Variants in CACNA1D observed in about 807,000 individuals in gnomAD.
The protein encoded by CACNA1D is calcium voltage-gated channel subunit alpha1 D.
Under a neutral mutation model 257.1 loss-of-function variants are expected in CACNA1D, and 55 were observed. That is an observed-to-expected ratio of 0.21 (90% CI 0.17 to 0.27). The LOEUF is 0.27. Among genes scored for constraint, CACNA1D ranks in the 10% least tolerant of loss-of-function variants. The pLI, the probability that CACNA1D is intolerant of heterozygous loss-of-function variation, is 1.00. For synonymous variants in CACNA1D, 980 were observed against 1,014.9 expected, an observed-to-expected ratio of 0.97 and a Z score of 0.65; for missense variants, 1,876 against 2,784.0, an observed-to-expected ratio of 0.67 and a Z score of 7.34.
At chr3:53,770,213 G>C (rs991806279) in intron 31 of CACNA1D, among the ~76,000 whole-genome samples, 196 bp downstream of exon 31, 1 of 152,174 alleles carries the variant, frequency 6.6e-6, no homozygotes, top group African/African-American at 2.4e-5. Context: ...AGAATACGTG[G>C]ACATGCATGT....
At chr3:53,682,365 T>TAAAAAAAAAAAACAAA (rs2094437885) in intron 8 of CACNA1D, among the ~76,000 whole-genome samples, 2 of 47,386 alleles carry the variant, frequency 4.2e-5, no homozygotes, top group Non-Finnish European at 7.4e-5. Context: ...TTGTCTCTGG[T>TAAAAAAAAAAAACAAA]AAAAAAAAAA....
chr3:53,521,949 A>T (rs1254124266), intron 3 of CACNA1D, among the ~76,000 whole-genome samples: 1 of 140,330 alleles, frequency 7.1e-6, no homozygotes, highest in Non-Finnish European at 1.5e-5. Flanking sequence ...ACATAGTGAG[A>T]CCCCATCTCT....
At chr3:53,635,697 C>G (rs946815876) in intron 3 of CACNA1D, among the ~76,000 whole-genome samples, 1 of 152,126 alleles carries the variant, frequency 6.6e-6, no homozygotes, top group East Asian at 1.9e-4. Flanking sequence ...TCATAGTCTT[C>G]AGTTTGGTGC....
Position 53,672,810 on chromosome 3 carries a change from GTGTGTGTGTA to G in CACNA1D, c.1117-210_1117-201del, listed in dbSNP as rs1477570514. Among the ~76,000 whole-genome samples, 355 of 131,894 alleles carry G rather than the reference GTGTGTGTGTA, an allele frequency of 2.7e-3. 3 individuals are homozygous for G. Among genetic ancestry groups the G allele is most frequent in the African/African-American group, 9.4e-3 (318 of 34,000 alleles). The allele number at this position is 131,894 out of a possible 152,430, so 86.5% of individuals were successfully genotyped here. On this transcript the variant is annotated intron_variant, in intron 7 of 47. Coordinates refer to ENST00000350061, the MANE Select transcript of CACNA1D (RefSeq NM_001128840.3). ...TGTGTGTGTGTGTGTGTGTGTGTGT[GTGTGTGTGTA>G]TGGATGCTTGTGTGTGTGTATGGGG...
chr3:53,524,447 A>G (rs2091689574), intron 3 of CACNA1D, among the ~76,000 whole-genome samples: 1 of 152,264 alleles, frequency 6.6e-6, no homozygotes, highest in South Asian at 2.1e-4. Flanking sequence ...TACAAGATAC[A>G]TTTAAGCATC....
chr3:53,738,369 G>A (rs2095079666), intron 20 of CACNA1D, among the ~76,000 whole-genome samples: 1 of 152,224 alleles, frequency 6.6e-6, no homozygotes, highest in Non-Finnish European at 1.5e-5. Flanking sequence ...AAAGAGGAAG[G>A]CACTGGGCCT....
chr3:53,678,392 A>G (rs2094396276), intron 8 of CACNA1D, among the ~76,000 whole-genome samples: 2 of 152,244 alleles, frequency 1.3e-5, no homozygotes, highest in Non-Finnish European at 1.5e-5. Context: ...GCCCAGGTCT[A>G]TAAATTCAAA....
At chr3:53,576,818 A>C (rs1012023576) in intron 3 of CACNA1D, among the ~76,000 whole-genome samples, 1 of 152,112 alleles carries the variant, frequency 6.6e-6, no homozygotes, top group Non-Finnish European at 1.5e-5. Context: ...TATCCATTCA[A>C]TTTTCATGCT....
rs1309000822 is a variant in CACNA1D at position 53,751,936 on chromosome 3, G to A, written c.3675+29G>A. The stretch of plus-strand genomic sequence containing the variant: ...AAAATGGAGACAGCCGTGGGGATCA[G>A]GTCCGGGCATTCCGCACAGCCCCGT... On this transcript the variant is annotated intron_variant, in intron 28 of 47. Coordinates refer to ENST00000350061, the MANE Select transcript of CACNA1D (RefSeq NM_001128840.3). This position sits in a 1 kb window ranked among gnomAD's most constrained non-coding sequence, Gnocchi z 4.3. The A allele has an allele frequency of 6.2e-7, 1 of 1,611,688 alleles. No individual in the cohort carries two copies. The highest frequency in any genetic ancestry group is 1.3e-5 in the African/African-American group (1 of 74,850).
At chr3:53,656,947 ACC>A (rs1246566460) in intron 4 of CACNA1D, among the ~76,000 whole-genome samples, 2 of 152,208 alleles carry the variant, frequency 1.3e-5, no homozygotes, top group African/African-American at 2.4e-5. Flanking sequence ...ACTCTCATAC[ACC>A]ACTTGTAGAA....
intron 9 of CACNA1D, among the ~76,000 whole-genome samples, chr3:53,712,587 G>A (rs887186250): frequency 3.9e-5 from 6 of 152,178 alleles, no homozygotes; most frequent in Admixed American, 1.3e-4. Flanking sequence ...AGGCCTGTAC[G>A]TCATGGTACT....
chr3:53,787,326 G>A (rs1390301241), intron 40 of CACNA1D, among the ~76,000 whole-genome samples: 1 of 152,154 alleles, frequency 6.6e-6, no homozygotes. Flanking sequence ...CTTTCCATCT[G>A]AACGCAAGTG....
rs1251739863 is a variant in CACNA1D at position 53,801,301 on chromosome 3, A to G, written c.5284A>G (p.Asn1762Asp). 6.2e-7 allele frequency: 1 copy of G among 1,614,198 alleles called. No homozygotes were observed. Among genetic ancestry groups the G allele is most frequent in the Non-Finnish European group, 8.5e-7 (1 of 1,180,030 alleles). ...AACAAATGCCAATCTCAATAATGCC[A>G]ATATGTCCAAAGCTGCCCATGGAAA... ...TSTNANLNNA[N>D]MSKAAHGKRP... Residue 1762 changes from asparagine to aspartate, a missense_variant, in exon 42 of 48, where the codon AAT becomes GAT. Asn to Asp is a conservative substitution (Grantham distance 23). This residue lies in a region of CACNA1D where 491 missense variants were observed against 554.3 expected (regional missense o/e 0.89). Coordinates refer to ENST00000350061, the MANE Select transcript of CACNA1D (RefSeq NM_001128840.3).
intron 25 of CACNA1D, among the ~76,000 whole-genome samples, 168 bp downstream of exon 25, chr3:53,746,043 G>T (rs1158396968): frequency 1.3e-5 from 2 of 152,102 alleles, no homozygotes; most frequent in African/African-American, 4.8e-5. Context: ...TGAAATTCAC[G>T]TAACATCAAC....
chr3:53,650,303 C>A (rs1044294416), intron 3 of CACNA1D, among the ~76,000 whole-genome samples: 2 of 152,190 alleles, frequency 1.3e-5, no homozygotes. Flanking sequence ...CAGACATAAA[C>A]CCAAGAGGAA....
chr3:53,624,357 G>A (rs2093732327), intron 3 of CACNA1D, among the ~76,000 whole-genome samples: 1 of 152,236 alleles, frequency 6.6e-6, no homozygotes, highest in African/African-American at 2.4e-5. Flanking sequence ...AAAAGTGGAA[G>A]AAAGGAGATT....
At position 53,613,310 on chromosome 3, in the gene CACNA1D, G is replaced by A. The variant is rs1179223590; in HGVS notation, c.484-37469G>A. Reference sequence around the variant, plus strand: ...AGATGGCCCTATTCAAGACTTCCTCGTTCATAATGCCTCAGTTTGTTATCC... The same window carrying A: ...AGATGGCCCTATTCAAGACTTCCTCATTCATAATGCCTCAGTTTGTTATCC... On this transcript the variant is annotated intron_variant, in intron 3 of 47. Coordinates refer to ENST00000350061, the MANE Select transcript of CACNA1D (RefSeq NM_001128840.3). 5.9e-5 allele frequency among the ~76,000 whole-genome samples: 9 copies of A among 152,006 alleles called. 1 individual carries two copies. The East Asian group carries it at 7.7e-4, about 13-fold the overall frequency.
intron 3 of CACNA1D, among the ~76,000 whole-genome samples, chr3:53,581,092 A>G (rs1373565209): frequency 2.6e-5 from 4 of 152,218 alleles, no homozygotes; most frequent in African/African-American, 7.2e-5. Context: ...TAATCACTGC[A>G]TATCTTGAAG....
At chr3:53,704,690 T>C (rs1307807162) in intron 9 of CACNA1D, among the ~76,000 whole-genome samples, 1 of 152,212 alleles carries the variant, frequency 6.6e-6, no homozygotes, top group African/African-American at 2.4e-5. Flanking sequence ...ACTTGCAAAC[T>C]GTAACTCAGA....
Sources: gnomAD v4.1 joint callset for allele counts (sites outside exome capture counted in the v4.1 genomes callset) on GRCh38, gnomAD v4.1.1 for gene constraint, gnomAD v4.1.1 regional missense constraint, Gnocchi (gnomAD v3.1) non-coding constraint, MANE v1.5 for transcripts, NCBI Gene and HGNC (gene_info 2026-07-23, HGNC 2026-07-21) for gene names.